The following PTGDS variants were observed in gnomAD, a reference collection of about 807,000 sequenced individuals.
The protein encoded by PTGDS is prostaglandin-H2 D-isomerase.
A neutral mutation model predicts 28.4 loss-of-function variants in PTGDS; 21 were observed. The ratio of observed to expected loss-of-function variants is 0.74; its 90% CI spans 0.52 to 1.07. The LOEUF (loss-of-function observed/expected upper bound fraction) is 1.07. PTGDS is among the 50% of genes least tolerant of loss of function. The pLI is 0.00. For synonymous variants in PTGDS, 102 were observed against 106.0 expected, an observed-to-expected ratio of 0.96 and a Z score of 0.23; for missense variants, 243 against 247.7, an observed-to-expected ratio of 0.98 and a Z score of 0.13.
At chr9:136,979,371 C>A in intron 3 of PTGDS, 72 bp downstream of exon 3, 1 of 1,579,724 alleles carries the variant, frequency 6.3e-7, no homozygotes, top group Non-Finnish European at 8.6e-7. Context: ...TCTGGGCCAG[C>A]CCCCTGCCGC....
intron 3 of PTGDS, 50 bp from the exon 4 acceptor site, chr9:136,979,896 T>G: frequency 6.2e-5 from 95 of 1,530,036 alleles, no homozygotes; most frequent in Non-Finnish European, 8.3e-5. Flanking sequence ...GAAGCAGAGG[T>G]GAGGTTTGGG....
At chr9:136,978,493 C>A (rs1397802151) in intron 1 of PTGDS, among the ~76,000 whole-genome samples, 1 of 110,694 alleles carries the variant, frequency 9.0e-6, no homozygotes, top group Admixed American at 8.9e-5. Flanking sequence ...GCGTGGTCAT[C>A]TCCTGGGGCG....
chr9:136,978,000 C>G (rs1830391435), intron 1 of PTGDS, among the ~76,000 whole-genome samples: 1 of 152,204 alleles, frequency 6.6e-6, no homozygotes, highest in Non-Finnish European at 1.5e-5. Flanking sequence ...AGAGGACACA[C>G]GAGCGCACGT....
chr9:136,977,968 C>A (rs1830391126), intron 1 of PTGDS, among the ~76,000 whole-genome samples: 2 of 152,198 alleles, frequency 1.3e-5, no homozygotes, highest in African/African-American at 4.8e-5. Context: ...GACACGTCCA[C>A]CCCTGTGGGC....
chr9:136,978,856 T>A (rs754030966), intron 1 of PTGDS, 137 bp from the exon 2 acceptor site: 3 of 1,007,616 alleles, frequency 3.0e-6, no homozygotes, highest in East Asian at 3.4e-5. Context: ...GTGAGGGGCG[T>A]GGCTGCTCGG....
chr9:136,978,260 G>T (rs55788930), intron 1 of PTGDS, among the ~76,000 whole-genome samples: 2,245 of 152,266 alleles, frequency 0.015, 69 homozygotes, highest in African/African-American at 0.052. Flanking sequence ...CCAGGAATGC[G>T]ACGTCCTCTG....
At position 136,977,547 on chromosome 9, in the gene PTGDS, C is replaced by G. The variant is rs751612151; in HGVS notation, c.-32C>G. On this transcript the variant is annotated 5_prime_UTR_variant, in exon 1 of 7. Transcript: ENST00000371625. Reference sequence around the variant, plus strand: ...CCTCGCTCTCCCACACCACTGGCACCAGGCCCCGGACACCCGCTCTGCTGC... The same window carrying G: ...CCTCGCTCTCCCACACCACTGGCACGAGGCCCCGGACACCCGCTCTGCTGC... The G allele has an allele frequency of 1.2e-5, 18 of 1,515,296 alleles. No individual in the cohort carries two copies. Among genetic ancestry groups the G allele is most frequent in the Non-Finnish European group, 1.6e-5 (18 of 1,110,824 alleles). The allele number at this position is 1,515,296 out of a possible 1,614,324, so 93.9% of individuals were successfully genotyped here.
intron 6 of PTGDS, 84 bp downstream of exon 6, chr9:136,980,939 G>T: frequency 6.7e-7 from 1 of 1,494,886 alleles, no homozygotes. Flanking sequence ...GCGATGGGAT[G>T]GATCAGGGCC....
chr9:136,979,614 CTCCCCAG>C, intron 3 of PTGDS: 1 of 706,886 alleles, frequency 1.4e-6, no homozygotes, highest in Non-Finnish European at 2.3e-6. Flanking sequence ...CCCAATTCTC[CTCCCCAG>C]GACCCAGGGG....
Position 136,977,650 on chromosome 9 carries a change from G to T in PTGDS, c.72G>T (p.Pro24=). The T allele has an allele frequency of 6.2e-7, 1 of 1,607,172 alleles. No homozygotes were observed. Reference sequence around the variant, plus strand: ...TGCTGGGCGACCTGCAGGCAGCACCGGAGGCCCAGGTCTCCGTGCAGCCCA... The same window carrying T: ...TGCTGGGCGACCTGCAGGCAGCACCTGAGGCCCAGGTCTCCGTGCAGCCCA... ...LGVLGDLQAA[P]EAQVSVQPNF... Residue 24 remains proline (P), a synonymous_variant, in exon 1 of 7, where the codon CCG becomes CCT. Coordinates refer to ENST00000371625, the MANE Select transcript of PTGDS (RefSeq NM_000954.6).
At chr9:136,978,534 CGGGGCG>C (rs1379168768) in intron 1 of PTGDS, among the ~76,000 whole-genome samples, 1 of 7,120 alleles carries the variant, frequency 1.4e-4, no homozygotes, top group South Asian at 3.2e-3. Flanking sequence ...CCTCCCGGGG[CGGGGCG>C]GGGGCCTGAT....
rs1191466021 is a variant in PTGDS, at chr9:136,980,076, G to A, written c.448+14G>A. 1.9e-6 allele frequency: 3 copies of A among 1,608,908 alleles called. No individual in the cohort carries two copies. The Admixed American group carries it at 5.0e-5, about 27-fold the overall frequency. The stretch of plus-strand genomic sequence containing the variant: ...CCACCCTCTACAGTACGTGCCCCGT[G>A]GACGCCGCCCACACGCAGGCCTGAC... On this transcript the variant is annotated intron_variant, in intron 4 of 6. Transcript: ENST00000371625.
At chr9:136,977,774 G>T in intron 1 of PTGDS, 82 bp downstream of exon 1, 1 of 1,283,010 alleles carries the variant, frequency 7.8e-7, no homozygotes, top group Non-Finnish European at 1.1e-6. Context: ...TCTTCCCCCT[G>T]GGAGGAGTGA....
Position 136,979,039 on chromosome 9 carries a change from G to A in PTGDS, c.161G>A (p.Trp54Ter). 6.2e-7 allele frequency: 1 copy of A among 1,608,748 alleles called. No individual in the cohort carries two copies. The highest frequency in any genetic ancestry group is 8.5e-7 in the Non-Finnish European group (1 of 1,177,542). Residue 54 changes from tryptophan to a stop codon, truncating the protein, a stop_gained, in exon 2 of 7, where the codon TGG (tryptophan) becomes TAG (stop). Coordinates refer to ENST00000371625, the MANE Select transcript of PTGDS (RefSeq NM_000954.6). LOFTEE classifies it high-confidence loss of function. ...FSAGLASNSSWLREKKAALSM... is the reference protein window; with the variant it reads ...FSAGLASNSS Reference sequence around the variant, plus strand: ...GCGGGCCTCGCCTCCAACTCGAGCTGGCTCCGGGAGAAGAAGGCGGCGTTG... The same window carrying A: ...GCGGGCCTCGCCTCCAACTCGAGCTAGCTCCGGGAGAAGAAGGCGGCGTTG...
intron 6 of PTGDS, among the ~76,000 whole-genome samples, 178 bp from the exon 7 acceptor site, chr9:136,981,401 G>C (rs886675810): frequency 1.2e-4 from 19 of 152,080 alleles, no homozygotes; most frequent in African/African-American, 4.6e-4. Flanking sequence ...GGAGTCTGTA[G>C]ACCCTGGGGC....
intron 5 of PTGDS, 55 bp downstream of exon 5, chr9:136,980,339 G>A (rs998194629): frequency 3.8e-6 from 6 of 1,576,756 alleles, no homozygotes; most frequent in Non-Finnish European, 5.2e-6. Flanking sequence ...GAGGCAGGCA[G>A]GCAGTCTCCT....
chr9:136,980,417 G>C, intron 5 of PTGDS, 133 bp downstream of exon 5: 1 of 1,048,086 alleles, frequency 9.5e-7, no homozygotes, highest in South Asian at 1.6e-5. Context: ...GACAGAGGGG[G>C]TGAGTGTTCA....
At chr9:136,977,935 C>G (rs1830390794) in intron 1 of PTGDS, among the ~76,000 whole-genome samples, 1 of 152,202 alleles carries the variant, frequency 6.6e-6, no homozygotes, top group African/African-American at 2.4e-5. Flanking sequence ...GACACCGGGC[C>G]ACACACGCGC....
rs367824810 is a variant in PTGDS, at chr9:136,980,091, G to C, written c.448+29G>C. On this transcript the variant is annotated intron_variant, in intron 4 of 6. Coordinates refer to ENST00000371625, the MANE Select transcript of PTGDS (RefSeq NM_000954.6). ...CGTGCCCCGTGGACGCCGCCCACAC[G>C]CAGGCCTGACCAGAGGGGGCTCCCC... 8 of 1,606,064 alleles carry C rather than the reference G, an allele frequency of 5.0e-6. No homozygotes were observed. The African/African-American group carries it at 6.7e-5, about 13-fold the overall frequency.
Sources: allele counts gnomAD v4.1 joint callset (sites outside exome capture counted in the v4.1 genomes callset), GRCh38; gene constraint gnomAD v4.1.1; transcripts MANE v1.5; gene names NCBI Gene and HGNC (gene_info 2026-07-23, HGNC 2026-07-21).